The following MYO1B variants were observed in gnomAD, a reference collection of about 807,000 sequenced individuals.
MYO1B encodes myosin IB.
A neutral mutation model predicts 159.7 loss-of-function variants in MYO1B; 72 were observed. The ratio of observed to expected loss-of-function variants is 0.45; its 90% CI spans 0.37 to 0.55. MYO1B has a LOEUF of 0.55. Among genes scored for constraint, MYO1B ranks in the 20% least tolerant of loss-of-function variants. The probability of loss-of-function intolerance (pLI) is 0.00; values close to 1 mark genes in which losing one functional copy is unlikely to be tolerated. For missense variants in MYO1B, 1,062 were observed against 1,364.8 expected, an observed-to-expected ratio of 0.78 and a Z score of 3.50; for synonymous variants, 468 against 473.8, an observed-to-expected ratio of 0.99 and a Z score of 0.16.
At chr2:191,351,557 G>A (rs1367489810) in intron 7 of MYO1B, among the ~76,000 whole-genome samples, 1 of 152,126 alleles carries the variant, frequency 6.6e-6, no homozygotes, top group Non-Finnish European at 1.5e-5. Context: ...GAATTCCATG[G>A]TTCTTCCCAT....
rs574869120 is a variant in MYO1B, at chr2:191,402,426, G to A, written c.2470-206G>A. On this transcript the variant is annotated intron_variant, in intron 23 of 30. Coordinates refer to ENST00000392318, the MANE Select transcript of MYO1B (RefSeq NM_001130158.3). ...GAACCACACAGATTGTCCTTCTCTGGAACAGAATCTCAGTGCACTGAAAAT... is the reference window on the plus strand; with the variant it reads ...GAACCACACAGATTGTCCTTCTCTGAAACAGAATCTCAGTGCACTGAAAAT... 4.4e-4 allele frequency: 248 copies of A among 567,842 alleles called. 3 individuals are homozygous for A. The East Asian group carries it at 7.3e-3, about 17-fold the overall frequency. 35.2% of individuals were successfully genotyped at this position (567,842 alleles called of 1,614,324 possible).
intron 7 of MYO1B, among the ~76,000 whole-genome samples, chr2:191,357,750 T>C (rs2126001602): frequency 6.6e-6 from 1 of 152,340 alleles, no homozygotes; most frequent in African/African-American, 2.4e-5. Context: ...CTATAGTGAA[T>C]TGAATTTATG....
At chr2:191,253,058 T>G (rs914528071) in intron 1 of MYO1B, among the ~76,000 whole-genome samples, 3 of 137,250 alleles carry the variant, frequency 2.2e-5, no homozygotes, top group African/African-American at 7.7e-5. Flanking sequence ...AATTAGTAAG[T>G]TGGAAAAAAA....
intron 3 of MYO1B, among the ~76,000 whole-genome samples, chr2:191,314,684 T>G (rs943078011): frequency 1.3e-5 from 2 of 152,214 alleles, no homozygotes. Context: ...GAACTTAAAG[T>G]TGTGTTTAAG....
chr2:191,369,685 A>T, intron 12 of MYO1B, 57 bp downstream of exon 12: 7 of 1,310,974 alleles, frequency 5.3e-6, no homozygotes, highest in Non-Finnish European at 7.6e-6. Flanking sequence ...CAGTATAAAC[A>T]TTAAGTTGAA....
chr2:191,331,530 T>G (rs1267676053), intron 4 of MYO1B, among the ~76,000 whole-genome samples: 1 of 152,228 alleles, frequency 6.6e-6, no homozygotes, highest in Non-Finnish European at 1.5e-5. Flanking sequence ...ACTTAGTTAT[T>G]TGAAGTCAAC....
chr2:191,265,091 A>G (rs564392320), intron 1 of MYO1B, among the ~76,000 whole-genome samples: 1 of 151,816 alleles, frequency 6.6e-6, no homozygotes, highest in South Asian at 2.1e-4. Context: ...TGGAGGGATA[A>G]TTTTCTTCCT....
chr2:191,414,007 T>C lies in MYO1B; in HGVS notation c.2874-41T>C, dbSNP rs757365992. 8 of 1,555,966 alleles carry C rather than the reference T, an allele frequency of 5.1e-6. No individual in the cohort carries two copies. In the East Asian group the frequency reaches 1.8e-4, roughly 35 times the overall value. On this transcript the variant is annotated intron_variant, in intron 27 of 30. Coordinates refer to ENST00000392318, the MANE Select transcript of MYO1B (RefSeq NM_001130158.3). ...TTTCCTTTTTTTAGTGGTACTTTCATTTGAAACTATTTCTAATGTGCAGGA... is the reference window on the plus strand; with the variant it reads ...TTTCCTTTTTTTAGTGGTACTTTCACTTGAAACTATTTCTAATGTGCAGGA...
chr2:191,420,453 T>A lies in MYO1B; in HGVS notation c.3288-3384T>A, dbSNP rs540549259. On this transcript the variant is annotated intron_variant, in intron 30 of 30. Transcript: ENST00000392318. ...CAAGTACACTATTTTTTATCTTTTA[T>A]GCTATTCTTACTGTACCTTTTCTAT... is the stretch of plus-strand genomic sequence containing the variant. 2.0e-5 allele frequency among the ~76,000 whole-genome samples: 3 copies of A among 152,342 alleles called. No individual in the cohort carries two copies. In the South Asian group the frequency reaches 6.2e-4, roughly 32 times the overall value.
intron 1 of MYO1B, among the ~76,000 whole-genome samples, chr2:191,274,239 G>T (rs1177503969): frequency 6.6e-6 from 1 of 152,072 alleles, no homozygotes; most frequent in Non-Finnish European, 1.5e-5. Flanking sequence ...AATATTCAGA[G>T]GTCTTCACTG....
intron 24 of MYO1B, chr2:191,407,749 T>A (rs186688722): frequency 1.3e-5 from 2 of 154,274 alleles, no homozygotes; most frequent in African/African-American, 4.9e-5. Context: ...TTTTTTTTTC[T>A]TTTTGCCTTT....
chr2:191,255,479 TAAAGAATGA>T (rs1686383295), intron 1 of MYO1B, among the ~76,000 whole-genome samples: 1 of 152,070 alleles, frequency 6.6e-6, no homozygotes, highest in Non-Finnish European at 1.5e-5. Flanking sequence ...GAGTTGGTGT[TAAAGAATGA>T]GGAGGATGGA....
At chr2:191,364,312 A>G in intron 11 of MYO1B, 36 bp downstream of exon 11, 1 of 1,507,674 alleles carries the variant, frequency 6.6e-7, no homozygotes, top group South Asian at 1.1e-5. Flanking sequence ...AAAGTTTCTT[A>G]AAAGTCTGTG....
intron 3 of MYO1B, among the ~76,000 whole-genome samples, chr2:191,313,537 A>T (rs1690157212): frequency 6.6e-6 from 1 of 152,136 alleles, no homozygotes; most frequent in Non-Finnish European, 1.5e-5. Context: ...GGCGCCCGCC[A>T]CCACACCCAG....
In MYO1B at chr2:191,340,240, G is replaced by T. The variant is rs113571297; in HGVS notation, c.347-1221G>T. 6.9e-3 allele frequency among the ~76,000 whole-genome samples: 1,048 copies of T among 152,024 alleles called. 9 individuals are homozygous for T. The highest frequency in any genetic ancestry group is 0.024 in the African/African-American group (993 of 41,458). Reference sequence around the variant, plus strand: ...CCATAGAAAATAAATTAGGGAAACAGCATTCTAGATCCTTTTTTAGAGTTC... The same window carrying T: ...CCATAGAAAATAAATTAGGGAAACATCATTCTAGATCCTTTTTTAGAGTTC... On this transcript the variant is annotated intron_variant, in intron 4 of 30. Coordinates refer to ENST00000392318, the MANE Select transcript of MYO1B (RefSeq NM_001130158.3).
In MYO1B at chr2:191,360,627, T is replaced by C. The variant is rs1185712848; in HGVS notation, c.563-4T>C. 6.3e-7 allele frequency: 1 copy of C among 1,592,668 alleles called. No individual in the cohort carries two copies. The highest frequency in any genetic ancestry group is 8.6e-7 in the Non-Finnish European group (1 of 1,161,922). ...CCATACTATGATTTAACTCTTCTCT[T>C]TAGATCTTTTAGAGAAATCTCGGGT... On this transcript the variant is annotated splice_polypyrimidine_tract_variant and splice_region_variant and intron_variant, in intron 7 of 30. Transcript: ENST00000392318.
intron 13 of MYO1B, among the ~76,000 whole-genome samples, chr2:191,376,239 T>G (rs757624398): frequency 7.2e-5 from 11 of 152,220 alleles, no homozygotes; most frequent in Non-Finnish European, 1.5e-4. Context: ...ATTTTGTAAA[T>G]GTCTAAAAAG....
chr2:191,341,567 T>C lies in MYO1B; in HGVS notation c.451+2T>C. 1.2e-6 allele frequency: 2 copies of C among 1,610,218 alleles called. No homozygotes were observed. Among genetic ancestry groups the C allele is most frequent in the Non-Finnish European group, 8.5e-7 (1 of 1,177,090 alleles). On this transcript the variant is annotated splice_donor_variant, in intron 5 of 30. Transcript: ENST00000392318. LOFTEE classifies it high-confidence loss of function. Reference sequence around the variant, plus strand: ...TACAGTCCAACCCGGTCCTGGAAGGTAGGATGTGTTATGTTCATTAAGTCG... The same window carrying C: ...TACAGTCCAACCCGGTCCTGGAAGGCAGGATGTGTTATGTTCATTAAGTCG...
At chr2:191,271,818 A>G (rs1426439796) in intron 1 of MYO1B, among the ~76,000 whole-genome samples, 18 of 152,208 alleles carry the variant, frequency 1.2e-4, no homozygotes, top group Admixed American at 1.1e-3. Flanking sequence ...TGGAATTACC[A>G]TGCTGGATGT....
Sources: gnomAD v4.1 joint callset for allele counts (sites outside exome capture counted in the v4.1 genomes callset) on GRCh38, gnomAD v4.1.1 for gene constraint, MANE v1.5 for transcripts, NCBI Gene and HGNC (gene_info 2026-07-23, HGNC 2026-07-21) for gene names.